FAM135B: variants seen among roughly 807,000 people sequenced by gnomAD.
The protein encoded by FAM135B is family with sequence similarity 135 member B, also known as protein FAM135B.
A neutral mutation model predicts 127.7 loss-of-function variants in FAM135B; 43 were observed. That is an observed-to-expected ratio of 0.34 (90% CI 0.26 to 0.43). FAM135B has a LOEUF of 0.43. FAM135B is among the 20% of genes least tolerant of loss of function. The pLI is 1.00. For synonymous variants in FAM135B, 670 were observed against 665.1 expected, an observed-to-expected ratio of 1.01 and a Z score of -0.11; for missense variants, 1,558 against 1,725.6, an observed-to-expected ratio of 0.90 and a Z score of 1.72.
At chr8:138,395,692 G>T (rs748612053) in intron 1 of FAM135B, among the ~76,000 whole-genome samples, 7 of 152,130 alleles carry the variant, frequency 4.6e-5, no homozygotes, top group Non-Finnish European at 8.8e-5. Context: ...AGGTAAAAGA[G>T]GATTGCCAAT....
intron 9 of FAM135B, among the ~76,000 whole-genome samples, chr8:138,186,741 G>T (rs1815619199): frequency 6.6e-6 from 1 of 152,158 alleles, no homozygotes; most frequent in East Asian, 1.9e-4. Context: ...TGCAGCTTGG[G>T]GCACCGCCCT....
chr8:138,423,458 G>A (rs1834645631), intron 1 of FAM135B, among the ~76,000 whole-genome samples: 1 of 152,076 alleles, frequency 6.6e-6, no homozygotes, highest in African/African-American at 2.4e-5. Flanking sequence ...TGGGTGTCTG[G>A]GGGAGACATC....
chr8:138,134,829 A>AT (rs1415337322), intron 19 of FAM135B, among the ~76,000 whole-genome samples: 1 of 152,108 alleles, frequency 6.6e-6, no homozygotes, highest in Non-Finnish European at 1.5e-5. Context: ...AGAGAGGGCG[A>AT]TTTTTTCTTA....
At chr8:138,296,879 T>G (rs1825515599) in intron 3 of FAM135B, among the ~76,000 whole-genome samples, 1 of 152,194 alleles carries the variant, frequency 6.6e-6, no homozygotes. Context: ...GTCCCATTAC[T>G]TTATCTAGCA....
At chr8:138,143,343 G>T (rs781371552) in intron 15 of FAM135B, among the ~76,000 whole-genome samples, 3 of 152,208 alleles carry the variant, frequency 2.0e-5, no homozygotes, top group Non-Finnish European at 2.9e-5. Context: ...GGCTGACACT[G>T]AAGTAGCAAG....
At chr8:138,299,060 AAAATAAATAAATAAAT>A (rs372645406) in intron 3 of FAM135B, among the ~76,000 whole-genome samples, 86 of 136,160 alleles carry the variant, frequency 6.3e-4, no homozygotes, top group Middle Eastern at 3.7e-3. Context: ...ATTCAGTCTC[AAAATAAATAAATAAAT>A]AAATAAATAA....
intron 6 of FAM135B, among the ~76,000 whole-genome samples, chr8:138,246,369 G>A (rs1322393727): frequency 6.6e-6 from 1 of 152,136 alleles, no homozygotes; most frequent in Non-Finnish European, 1.5e-5. Flanking sequence ...TGGGACCAGG[G>A]CCCCCTTGCT....
chr8:138,395,733 A>T (rs1832814407), intron 1 of FAM135B, among the ~76,000 whole-genome samples: 1 of 152,210 alleles, frequency 6.6e-6, no homozygotes, highest in Non-Finnish European at 1.5e-5. Context: ...AAGCAGAAAG[A>T]TTCTAGACTC....
chr8:138,262,381 A>G (rs1229356958), intron 4 of FAM135B, among the ~76,000 whole-genome samples: 5 of 152,208 alleles, frequency 3.3e-5, no homozygotes, highest in Non-Finnish European at 7.3e-5. Context: ...GCCCACGGGA[A>G]AAAATGGAGC....
chr8:138,299,226 A>C (rs1223251434), intron 3 of FAM135B, among the ~76,000 whole-genome samples: 6 of 151,732 alleles, frequency 4.0e-5, no homozygotes, highest in Non-Finnish European at 8.8e-5. Context: ...TGAGTCAGAG[A>C]AATATGTATT....
intron 1 of FAM135B, among the ~76,000 whole-genome samples, chr8:138,461,168 G>T (rs527261111): frequency 2.0e-5 from 3 of 152,180 alleles, no homozygotes; most frequent in African/African-American, 7.2e-5. Context: ...ATTAGTCATG[G>T]ATACTCTTAC....
chr8:138,493,177 C>T (rs1587565622), intron 1 of FAM135B, among the ~76,000 whole-genome samples: 1 of 152,304 alleles, frequency 6.6e-6, no homozygotes, highest in South Asian at 2.1e-4. Context: ...AAACATTTGA[C>T]GTTTCTGAGC....
intron 12 of FAM135B, among the ~76,000 whole-genome samples, chr8:138,160,555 AT>A (rs61562037): frequency 1.4e-3 from 198 of 142,590 alleles, no homozygotes; most frequent in Middle Eastern, 3.6e-3. Flanking sequence ...TGCCCAGCTC[AT>A]TTTTTTTTTT....
At chr8:138,455,859 G>T (rs1477760733) in intron 1 of FAM135B, among the ~76,000 whole-genome samples, 2 of 152,112 alleles carry the variant, frequency 1.3e-5, no homozygotes, top group Admixed American at 1.3e-4. Context: ...AGTCCTACTG[G>T]ATTGGTTTGG....
chr8:138,260,104 A>G (rs1188930751), intron 4 of FAM135B, among the ~76,000 whole-genome samples: 1 of 152,174 alleles, frequency 6.6e-6, no homozygotes, highest in Admixed American at 6.5e-5. Flanking sequence ...TACTAGGGAT[A>G]CTTTACTGCC....
intron 2 of FAM135B, among the ~76,000 whole-genome samples, chr8:138,352,457 G>C (rs1000626347): frequency 6.6e-5 from 10 of 152,112 alleles, no homozygotes; most frequent in Non-Finnish European, 1.5e-4. Context: ...ACAGTCTTAT[G>C]ACTAGCTTCT....
chr8:138,148,652 G>A lies in FAM135B; in HGVS notation c.3316C>T (p.Leu1106=), dbSNP rs1353681458. 1.2e-6 allele frequency: 2 copies of A among 1,607,118 alleles called. No homozygotes were observed. Among genetic ancestry groups the A allele is most frequent in the South Asian group, 2.2e-5 (2 of 89,490 alleles). Residue 1106 remains leucine, a synonymous_variant, in exon 14 of 20, where the codon CTG becomes TTG. Coordinates refer to ENST00000395297, the MANE Select transcript of FAM135B (RefSeq NM_015912.4). The part of the protein sequence containing the change: ...YQAKEKFKKE[L]KIEGFLYSDL... ...CTGTACAGAAATCCTTCAATCTTCA[G>A]TTCTTTTTTAAATTTTTCTTTGGCC...
chr8:138,230,178 A>G lies in FAM135B; in HGVS notation c.669+12764T>C, dbSNP rs1448326079. ...GTAAAGATGAAATGGGAATACAGCC[A>G]ATCTCTGCCACCACGGTCATTCTGA... On this transcript the variant is annotated intron_variant, in intron 7 of 19. Coordinates refer to ENST00000395297, the MANE Select transcript of FAM135B (RefSeq NM_015912.4). Among the ~76,000 whole-genome samples, 4 of 152,306 alleles carry G rather than the reference A, an allele frequency of 2.6e-5. No individual in the cohort carries two copies. In the East Asian group the frequency reaches 7.7e-4, roughly 29 times the overall value.
chr8:138,421,263 C>T (rs776019777), intron 1 of FAM135B, among the ~76,000 whole-genome samples: 22 of 151,972 alleles, frequency 1.4e-4, no homozygotes, highest in African/African-American at 2.2e-4. Flanking sequence ...CAGTGAGCCA[C>T]GATTGCACCA....
Sources: allele counts gnomAD v4.1 joint callset (sites outside exome capture counted in the v4.1 genomes callset), GRCh38; gene constraint gnomAD v4.1.1; transcripts MANE v1.5; gene names NCBI Gene and HGNC (gene_info 2026-07-23, HGNC 2026-07-21).